Variants in PMP22 observed in about 807,000 individuals in gnomAD.
PMP22 encodes peripheral myelin protein 22.
PMP22 carries 2 observed loss-of-function variants against 18.9 expected under a neutral mutation model. The observed-to-expected ratio is 0.11, with a 90% CI of 0.04 to 0.33. The LOEUF (loss-of-function observed/expected upper bound fraction) is 0.33, where lower values mean the gene tolerates loss of function less well. Among genes scored for constraint, PMP22 ranks in the 10% least tolerant of loss-of-function variants. The pLI is 1.00. For synonymous variants in PMP22, 95 were observed against 89.2 expected, an observed-to-expected ratio of 1.07 and a Z score of -0.37; for missense variants, 169 against 202.2, an observed-to-expected ratio of 0.84 and a Z score of 1.00.
At chr17:15,241,213 G>A (rs573318782) in intron 3 of PMP22, among the ~76,000 whole-genome samples, 5 of 152,170 alleles carry the variant, frequency 3.3e-5, no homozygotes, top group South Asian at 4.2e-4. Flanking sequence ...AGAAAATGAC[G>A]GCTAATGGGT....
intron 3 of PMP22, among the ~76,000 whole-genome samples, chr17:15,246,344 T>C (rs931689417): frequency 6.6e-6 from 1 of 152,206 alleles, no homozygotes; most frequent in Admixed American, 6.5e-5. Flanking sequence ...ATTCCTTCAA[T>C]AGCCATTTAT....
chr17:15,254,046 A>G (rs960841335), intron 3 of PMP22, among the ~76,000 whole-genome samples: 1 of 152,234 alleles, frequency 6.6e-6, no homozygotes, highest in African/African-American at 2.4e-5. Context: ...GGAAGTTCAC[A>G]TTTCAGGACG....
chr17:15,236,088 C>T (rs533241269), intron 4 of PMP22, among the ~76,000 whole-genome samples: 2 of 151,202 alleles, frequency 1.3e-5, no homozygotes, highest in Admixed American at 6.6e-5. Flanking sequence ...TTTAAAGGAC[C>T]TCAGGTGATT....
intron 3 of PMP22, among the ~76,000 whole-genome samples, chr17:15,249,271 C>T (rs1295112887): frequency 1.3e-5 from 2 of 152,152 alleles, no homozygotes; most frequent in South Asian, 2.1e-4. Context: ...ACAGAGGCTC[C>T]GGGACCCATG....
intron 4 of PMP22, among the ~76,000 whole-genome samples, chr17:15,232,923 A>C (rs563369629): frequency 6.6e-6 from 1 of 152,334 alleles, no homozygotes; most frequent in African/African-American, 2.4e-5. Flanking sequence ...AATGACTCTA[A>C]GCTTAACCGT....
chr17:15,253,312 G>A (rs1434592340), intron 3 of PMP22, among the ~76,000 whole-genome samples: 2 of 152,150 alleles, frequency 1.3e-5, no homozygotes, highest in East Asian at 3.8e-4. Flanking sequence ...AACATAAAAT[G>A]TTCACAGTTA....
Position 15,230,188 on chromosome 17 carries a change from G to T in PMP22, c.*729C>A. ...TGTAAAATTGTTAATTGGATTTCCA[G>T]TGAGTTGTTTAGATGATTAGTGATA... On this transcript the variant is annotated 3_prime_UTR_variant, in exon 5 of 5. Coordinates refer to ENST00000312280, the MANE Select transcript of PMP22 (RefSeq NM_000304.4). 6.5e-6 allele frequency: 1 copy of T among 152,878 alleles called. No individual in the cohort carries two copies. Among genetic ancestry groups the T allele is most frequent in the East Asian group, 1.9e-4 (1 of 5,206 alleles). 9.5% of individuals were successfully genotyped at this position (152,878 alleles called of 1,614,324 possible). A position where few individuals can be genotyped will look rare whatever the true frequency, so the allele number is the denominator to read the frequency against.
At chr17:15,233,601 T>A (rs1906537891) in intron 4 of PMP22, among the ~76,000 whole-genome samples, 1 of 152,224 alleles carries the variant, frequency 6.6e-6, no homozygotes, top group African/African-American at 2.4e-5. Context: ...TACATCCTTA[T>A]CATCTCCATT....
intron 3 of PMP22, among the ~76,000 whole-genome samples, chr17:15,255,250 G>T (rs981338129): frequency 6.6e-6 from 1 of 152,208 alleles, no homozygotes; most frequent in East Asian, 1.9e-4. Context: ...AGAGGTATTT[G>T]CTGCCAGGTT....
Position 15,258,239 on chromosome 17 carries a change from A to G in PMP22, c.178+855T>C, listed in dbSNP as rs1206336155. Among the ~76,000 whole-genome samples, 1 of 152,136 alleles carries G rather than the reference A, an allele frequency of 6.6e-6. No individual in the cohort carries two copies. Among genetic ancestry groups the G allele is most frequent in the East Asian group, 1.9e-4 (1 of 5,176 alleles). On this transcript the variant is annotated intron_variant, in intron 3 of 4. Coordinates refer to ENST00000312280, the MANE Select transcript of PMP22 (RefSeq NM_000304.4). The surrounding 1 kb of genome is among the most constrained non-coding windows in gnomAD (Gnocchi z 4.1). ...GAGGACACATCTTCTGGAACAAAAG[A>G]TCATGTGGATCCAGGTCCACGGGCT...
At chr17:15,260,453 G>A in intron 2 of PMP22, 197 bp downstream of exon 2, 1 of 643,372 alleles carries the variant, frequency 1.6e-6, no homozygotes, top group South Asian at 1.7e-5. Flanking sequence ...CCCAGCGCTC[G>A]CTTGGTTCCT....
At chr17:15,257,599 A>G (rs1908954070) in intron 3 of PMP22, among the ~76,000 whole-genome samples, 1 of 152,208 alleles carries the variant, frequency 6.6e-6, no homozygotes, top group South Asian at 2.1e-4. Flanking sequence ...AGGGGGAGAA[A>G]CCGGATGCTG....
rs981958578 is a variant in PMP22 at position 15,230,028 on chromosome 17, T to C, written c.*889A>G. The C allele has an allele frequency of 6.6e-6, 1 of 152,640 alleles. No homozygotes were observed. The highest frequency in any genetic ancestry group is 1.5e-5 in the Non-Finnish European group (1 of 68,042). The allele number at this position is 152,640 out of a possible 1,614,324, so 9.5% of individuals were successfully genotyped here. A position where few individuals can be genotyped will look rare whatever the true frequency, so the allele number is the denominator to read the frequency against. ...GACGCTTGTTCTGATGCTCCGACCG[T>C]AAGAAAAATGTGGGAGTGATGAAGG... On this transcript the variant is annotated 3_prime_UTR_variant, in exon 5 of 5. Transcript: ENST00000312280.
At chr17:15,238,836 G>C (rs938284739) in intron 4 of PMP22, among the ~76,000 whole-genome samples, 3 of 152,212 alleles carry the variant, frequency 2.0e-5, no homozygotes, top group African/African-American at 4.8e-5. Context: ...AGATTAAGGA[G>C]ACCTCTCATG....
chr17:15,240,614 T>C (rs778744323), intron 3 of PMP22, among the ~76,000 whole-genome samples: 2 of 152,060 alleles, frequency 1.3e-5, no homozygotes, highest in Non-Finnish European at 2.9e-5. Context: ...TGCAAACTCA[T>C]GTCATTTCAG....
At chr17:15,251,611 C>G (rs1908355360) in intron 3 of PMP22, 2 of 153,174 alleles carry the variant, frequency 1.3e-5, no homozygotes. Context: ...GAGGGATGGG[C>G]CAGATGACTC....
chr17:15,252,725 CA>C (rs1160694815), intron 3 of PMP22, among the ~76,000 whole-genome samples: 1 of 152,224 alleles, frequency 6.6e-6, no homozygotes, highest in Non-Finnish European at 1.5e-5. Flanking sequence ...AAAAGTTTAT[CA>C]ACTACCTTTT....
chr17:15,264,311 A>G (rs1488444754), intron 1 of PMP22, among the ~76,000 whole-genome samples: 1 of 152,212 alleles, frequency 6.6e-6, no homozygotes, highest in African/African-American at 2.4e-5. Flanking sequence ...TAGAAAAAAA[A>G]GTCTAAAGAC....
intron 4 of PMP22, among the ~76,000 whole-genome samples, chr17:15,238,230 G>A (rs1290682817): frequency 1.3e-5 from 2 of 152,134 alleles, no homozygotes; most frequent in East Asian, 3.8e-4. Flanking sequence ...TTGAAATGTT[G>A]TATTTGAGTG....
Sources: gnomAD v4.1 joint callset for allele counts (sites outside exome capture counted in the v4.1 genomes callset) on GRCh38, gnomAD v4.1.1 for gene constraint, Gnocchi (gnomAD v3.1) non-coding constraint, MANE v1.5 for transcripts, NCBI Gene and HGNC (gene_info 2026-07-23, HGNC 2026-07-21) for gene names.